CDCP1: variants seen among roughly 807,000 people sequenced by gnomAD.
The protein encoded by CDCP1 is CUB domain-containing protein 1.
In CDCP1, 29 loss-of-function variants were observed where a neutral mutation model predicts 60.2. That is an observed-to-expected ratio of 0.48 (90% CI 0.36 to 0.66). The LOEUF (loss-of-function observed/expected upper bound fraction) is 0.66. Ranked by LOEUF, CDCP1 falls within the 30% of genes least tolerant of loss-of-function variation. The probability of loss-of-function intolerance (pLI) is 0.00; values close to 1 mark genes in which losing one functional copy is unlikely to be tolerated. For synonymous variants in CDCP1, 387 were observed against 431.1 expected (o/e 0.90, Z 1.27); for missense variants, 876 against 1,074.3 (o/e 0.82, Z 2.58).
intron 2 of CDCP1, among the ~76,000 whole-genome samples, chr3:45,114,295 T>A (rs1022857827): frequency 6.6e-6 from 1 of 152,202 alleles, no homozygotes. Flanking sequence ...CTGTACTCTG[T>A]CCAGTGAAAA....
At chr3:45,111,028 G>A (rs1698683932) in intron 3 of CDCP1, among the ~76,000 whole-genome samples, 187 bp from the exon 4 acceptor site, 1 of 152,152 alleles carries the variant, frequency 6.6e-6, no homozygotes, top group Non-Finnish European at 1.5e-5. Flanking sequence ...AGTGGTGTGC[G>A]AGTAAATATT....
chr3:45,111,476 G>T (rs1403986670), intron 3 of CDCP1, among the ~76,000 whole-genome samples: 1 of 152,172 alleles, frequency 6.6e-6, no homozygotes, highest in African/African-American at 2.4e-5. Context: ...AGGAGTTCGA[G>T]ACCAGCCTGG....
In CDCP1 at chr3:45,091,276, G is replaced by A; in HGVS notation, c.1890C>T (p.Ser630=). The part of the protein sequence containing the change: ...SLDEDVLPKP[S]FHHHSFWVNI... The stretch of plus-strand genomic sequence containing the variant: ...TGACCCAGAAGCTGTGATGGTGGAA[G>A]CTTGGCTTGGGGAGCACATCCTCGT... The change falls in exon 7 of 9, where the codon AGC becomes AGT. Residue 630 remains serine (S), a synonymous_variant. Transcript: ENST00000296129. The surrounding 1 kb of genome is among the most constrained non-coding windows in gnomAD (Gnocchi z 4.8). 5 of 1,614,084 alleles carry A rather than the reference G, an allele frequency of 3.1e-6. No homozygotes were observed. Among genetic ancestry groups the A allele is most frequent in the East Asian group, 4.5e-5 (2 of 44,864 alleles).
intron 4 of CDCP1, among the ~76,000 whole-genome samples, chr3:45,099,855 T>C (rs987645196): frequency 1.3e-5 from 2 of 152,148 alleles, no homozygotes; most frequent in Admixed American, 6.5e-5. Context: ...CGGTTCCTTT[T>C]ACATAAACGC....
intron 4 of CDCP1, among the ~76,000 whole-genome samples, chr3:45,096,580 G>A (rs1407967103): frequency 2.5e-5 from 3 of 120,810 alleles, no homozygotes; most frequent in Non-Finnish European, 4.8e-5. Context: ...AGCTGGGATT[G>A]TACCACTGCA....
At chr3:45,117,667 G>C (rs577223515) in intron 2 of CDCP1, among the ~76,000 whole-genome samples, 1 of 151,804 alleles carries the variant, frequency 6.6e-6, no homozygotes, top group African/African-American at 2.4e-5. Context: ...TGTGTTCTGG[G>C]TTCACTGCAA....
At chr3:45,118,064 G>A (rs1698823177) in intron 2 of CDCP1, among the ~76,000 whole-genome samples, 1 of 152,166 alleles carries the variant, frequency 6.6e-6, no homozygotes, top group Non-Finnish European at 1.5e-5. Flanking sequence ...GTGGGCTTCT[G>A]TAGTGCTGCC....
chr3:45,089,790 G>C (rs758396180), intron 7 of CDCP1, among the ~76,000 whole-genome samples: 2 of 152,198 alleles, frequency 1.3e-5, no homozygotes, highest in Non-Finnish European at 2.9e-5. Context: ...GCCTACAACA[G>C]GTGTGTTCCA....
chr3:45,127,562 G>A (rs1699024301), intron 1 of CDCP1, among the ~76,000 whole-genome samples: 1 of 152,228 alleles, frequency 6.6e-6, no homozygotes. Context: ...AAAATCCGAT[G>A]CAAGTTTGAG....
intron 1 of CDCP1, among the ~76,000 whole-genome samples, chr3:45,145,721 T>G (rs1699371309): frequency 6.6e-6 from 1 of 152,022 alleles, no homozygotes; most frequent in South Asian, 2.1e-4. Flanking sequence ...TGAAAGCACT[T>G]TTTTTGCACC....
intron 8 of CDCP1, among the ~76,000 whole-genome samples, chr3:45,087,566 G>A (rs1698215956): frequency 6.6e-6 from 1 of 152,130 alleles, no homozygotes; most frequent in Admixed American, 6.5e-5. Context: ...TTCCTTAAAA[G>A]CAGTCCTTTT....
chr3:45,119,679 T>C (rs1430395350), intron 1 of CDCP1, among the ~76,000 whole-genome samples: 1 of 152,214 alleles, frequency 6.6e-6, no homozygotes, highest in African/African-American at 2.4e-5. Context: ...TATTCTTTTT[T>C]CCCTCCTTGT....
intron 1 of CDCP1, among the ~76,000 whole-genome samples, chr3:45,144,232 T>G (rs1052438368): frequency 1.3e-5 from 2 of 152,208 alleles, no homozygotes; most frequent in Non-Finnish European, 2.9e-5. Flanking sequence ...TGCTGAGTCT[T>G]TCTTTGTTAA....
intron 5 of CDCP1, among the ~76,000 whole-genome samples, chr3:45,095,135 C>T (rs866634457): frequency 1.2e-4 from 19 of 152,134 alleles, no homozygotes; most frequent in African/African-American, 3.9e-4. Context: ...GGTTTTACCA[C>T]GTTGGCCAGG....
intron 1 of CDCP1, among the ~76,000 whole-genome samples, chr3:45,123,414 A>G (rs573259563): frequency 3.3e-4 from 51 of 152,328 alleles, no homozygotes; most frequent in Non-Finnish European, 6.5e-4. Flanking sequence ...CTAAAGACAC[A>G]TGATAGGCAA....
chr3:45,109,326 C>A (rs909369004), intron 4 of CDCP1, among the ~76,000 whole-genome samples: 2 of 152,022 alleles, frequency 1.3e-5, no homozygotes, highest in African/African-American at 4.8e-5. Flanking sequence ...TGGGCAATCC[C>A]TCTAGTGGAT....
chr3:45,089,081 C>CG lies in CDCP1; in HGVS notation c.2053_2054insC (p.Gly685AlafsTer25). On this transcript the variant is annotated frameshift_variant, in exon 8 of 9. Transcript: ENST00000296129. LOFTEE classifies it low-confidence loss of function (END_TRUNC). ...CTTTTTCACACAGCAAATGATGAGCCCGAGGGCAGACAGCAGTAAGACTCC... is the reference window on the plus strand; with the variant it reads ...CTTTTTCACACAGCAAATGATGAGCCGCGAGGGCAGACAGCAGTAAGACTCC... 6.2e-7 allele frequency: 1 copy of CG among 1,613,898 alleles called. No homozygotes were observed. Among genetic ancestry groups the CG allele is most frequent in the Non-Finnish European group, 8.5e-7 (1 of 1,179,962 alleles).
In CDCP1 at chr3:45,146,356, C is replaced by A. The variant is rs567075468; in HGVS notation, c.-69G>T. On this transcript the variant is annotated 5_prime_UTR_variant, in exon 1 of 9. Coordinates refer to ENST00000296129, the MANE Select transcript of CDCP1 (RefSeq NM_022842.5). ...GAGCGGCGGCCCCAGGCGCCCAAGC[C>A]CGGCGCAGCTGCGCTCCGCCCTGGC... is the stretch of plus-strand genomic sequence containing the variant. 30 of 1,380,386 alleles carry A rather than the reference C, an allele frequency of 2.2e-5. No homozygotes were observed. Among genetic ancestry groups the A allele is most frequent in the Middle Eastern group, 2.0e-4 (1 of 5,122 alleles). 85.5% of individuals were successfully genotyped at this position (1,380,386 alleles called of 1,614,324 possible). A position where few individuals can be genotyped will look rare whatever the true frequency, so the allele number is the denominator to read the frequency against.
At chr3:45,094,773 C>T (rs1026600597) in intron 5 of CDCP1, among the ~76,000 whole-genome samples, 44 of 151,900 alleles carry the variant, frequency 2.9e-4, no homozygotes, top group Non-Finnish European at 6.0e-4. Flanking sequence ...GAGAGGATCT[C>T]ACAAGAGGAA....
Sources: gnomAD v4.1 joint callset for allele counts (sites outside exome capture counted in the v4.1 genomes callset) on GRCh38, gnomAD v4.1.1 for gene constraint, Gnocchi (gnomAD v3.1) non-coding constraint, MANE v1.5 for transcripts, NCBI Gene and HGNC (gene_info 2026-07-23, HGNC 2026-07-21) for gene names.